Variants in GLIS3 observed in about 807,000 individuals in gnomAD.
GLIS3 encodes the protein GLIS family zinc finger 3, also known as zinc finger protein GLIS3.
GLIS3 carries 53 observed loss-of-function variants against 78.6 expected under a neutral mutation model. The observed-to-expected ratio is 0.67, with a 90% confidence interval of 0.54 to 0.85. GLIS3 has a LOEUF of 0.85. Among genes scored for constraint, GLIS3 ranks in the 40% least tolerant of loss-of-function variants. The pLI is 0.00. For synonymous variants in GLIS3, 684 were observed against 509.9 expected (o/e 1.34, Z -4.60); for missense variants, 1,703 against 1,231.1 (o/e 1.38, Z -5.74).
chr9:4,125,452 C>T (rs368942928), intron 3 of GLIS3, among the ~76,000 whole-genome samples: 1 of 152,122 alleles, frequency 6.6e-6, no homozygotes, highest in African/African-American at 2.4e-5. Context: ...ATTTACACAC[C>T]GTGTTTCAGT....
At chr9:3,871,385 T>C (rs1820959175) in intron 8 of GLIS3, among the ~76,000 whole-genome samples, 1 of 151,792 alleles carries the variant, frequency 6.6e-6, no homozygotes, top group Non-Finnish European at 1.5e-5. Context: ...GTAGAGACTC[T>C]GTGTGGGCTC....
chr9:3,890,545 C>T (rs1043855759), intron 7 of GLIS3, among the ~76,000 whole-genome samples: 8 of 152,158 alleles, frequency 5.3e-5, no homozygotes, highest in African/African-American at 1.9e-4. Flanking sequence ...TGCCAATTGC[C>T]GGGGAGTGTA....
rs201347665 is a variant in GLIS3, at chr9:3,879,585, G to T, written c.2139C>A (p.Phe713Leu). 60 of 1,613,918 alleles carry T rather than the reference G, an allele frequency of 3.7e-5. No homozygotes were observed. Among genetic ancestry groups the T allele is most frequent in the Non-Finnish European group, 4.6e-5 (54 of 1,179,990 alleles). Residue 713 changes from phenylalanine to leucine, a missense_variant, in exon 8 of 11, where the codon TTC becomes TTA. By Grantham distance (22) the Phe-to-Leu change is conservative. Transcript: ENST00000381971. ...CACTTCGGCTTGAATAATTGCTGGA[G>T]AAAATGGGAGCTGAAATCAAGGGAG... Reference protein sequence around the residue: ...PGPDLYSAPIFSSNYSSRSGT... With the variant: ...PGPDLYSAPILSSNYSSRSGT...
chr9:4,348,922 TTA>T (rs1407448824), upstream of GLIS3, among the ~76,000 whole-genome samples: 1 of 152,230 alleles, frequency 6.6e-6, no homozygotes, highest in Non-Finnish European at 1.5e-5. Flanking sequence ...TTCTTCTTCT[TTA>T]TAGTTTTTCA....
chr9:4,371,210 T>C, the GLIS3 span, among the ~76,000 whole-genome samples: 2 of 152,222 alleles, frequency 1.3e-5, no homozygotes, highest in East Asian at 3.9e-4. Flanking sequence ...GGAAACACAA[T>C]TTCCATCGGC....
chr9:4,336,238 C>A (rs1287202560), intron 2 of GLIS3, among the ~76,000 whole-genome samples: 1 of 152,206 alleles, frequency 6.6e-6, no homozygotes, highest in African/African-American at 2.4e-5. Context: ...AATCAGTCCT[C>A]TCCATGGCCA....
chr9:4,046,531 T>C lies in GLIS3; in HGVS notation c.1710+71237A>G, dbSNP rs146148283. ...GTGTTCATCAACAGAAAACTGAACATGGGTCAAAGGTGGGGCCAGCAATCA... is the reference window on the plus strand; with the variant it reads ...GTGTTCATCAACAGAAAACTGAACACGGGTCAAAGGTGGGGCCAGCAATCA... On this transcript the variant is annotated intron_variant, in intron 4 of 10. Coordinates refer to ENST00000381971, the MANE Select transcript of GLIS3 (RefSeq NM_001042413.2). Among the ~76,000 whole-genome samples, 213 of 152,252 alleles carry C rather than the reference T, an allele frequency of 1.4e-3. 2 individuals are homozygous for C. The highest frequency in any genetic ancestry group is 0.013 in the East Asian group (68 of 5,186).
intron 4 of GLIS3, among the ~76,000 whole-genome samples, chr9:3,974,838 A>G (rs1163486219): frequency 2.6e-5 from 4 of 152,158 alleles, no homozygotes; most frequent in Non-Finnish European, 5.9e-5. Context: ...GTCTTAGTGT[A>G]GGAGAAAATG....
At chr9:3,958,785 G>T (rs1419821848) in intron 4 of GLIS3, among the ~76,000 whole-genome samples, 1 of 152,218 alleles carries the variant, frequency 6.6e-6, no homozygotes, top group Non-Finnish European at 1.5e-5. Context: ...CTATACAGGT[G>T]GGTGTCAAAG....
At chr9:4,133,221 A>G (rs1051682654) in intron 2 of GLIS3, among the ~76,000 whole-genome samples, 3 of 152,234 alleles carry the variant, frequency 2.0e-5, no homozygotes, top group African/African-American at 7.2e-5. Flanking sequence ...CTTCATTCCT[A>G]AATATATAAC....
intron 7 of GLIS3, among the ~76,000 whole-genome samples, chr9:3,897,883 G>T (rs539726384): frequency 6.6e-6 from 1 of 152,296 alleles, no homozygotes; most frequent in East Asian, 1.9e-4. Flanking sequence ...GGGGGTGGGG[G>T]TAGTATCTGC....
chr9:4,065,734 C>G (rs934320419), intron 4 of GLIS3, among the ~76,000 whole-genome samples: 3 of 152,082 alleles, frequency 2.0e-5, no homozygotes, highest in African/African-American at 7.2e-5. Flanking sequence ...GTGAAGAGGT[C>G]TAAGATGCTA....
At chr9:4,423,700 A>T in the GLIS3 span, among the ~76,000 whole-genome samples, 6 of 152,250 alleles carry the variant, frequency 3.9e-5, no homozygotes, top group Non-Finnish European at 7.3e-5. Context: ...TTATTGCACA[A>T]ATGCCATAAG....
At chr9:3,952,858 G>A (rs765904977) in intron 4 of GLIS3, among the ~76,000 whole-genome samples, 2 of 152,108 alleles carry the variant, frequency 1.3e-5, no homozygotes, top group African/African-American at 4.8e-5. Context: ...ACTCCCAACC[G>A]ATGCTGATGC....
At chr9:3,847,657 G>A (rs1294999096) in intron 9 of GLIS3, among the ~76,000 whole-genome samples, 1 of 152,164 alleles carries the variant, frequency 6.6e-6, no homozygotes, top group South Asian at 2.1e-4. Flanking sequence ...CACCTTTTCT[G>A]GTTCACATGA....
At chr9:4,343,029 G>A (rs534772037) in intron 2 of GLIS3, among the ~76,000 whole-genome samples, 1 of 152,164 alleles carries the variant, frequency 6.6e-6, no homozygotes, top group Non-Finnish European at 1.5e-5. Context: ...ATAATCATTA[G>A]AGAAAAGCAA....
At chr9:4,071,062 C>A (rs1020337319) in intron 4 of GLIS3, 3 of 152,116 alleles carry the variant, frequency 2.0e-5, no homozygotes, top group African/African-American at 7.2e-5. Context: ...GCAAAAAGAT[C>A]TGTAAGATCT....
intron 9 of GLIS3, among the ~76,000 whole-genome samples, chr9:3,841,016 G>A (rs1345949284): frequency 6.6e-6 from 1 of 152,170 alleles, no homozygotes; most frequent in Non-Finnish European, 1.5e-5. Flanking sequence ...CAAACAAGGG[G>A]ATGGGAACGG....
the GLIS3 span, among the ~76,000 whole-genome samples, chr9:4,448,916 G>C: frequency 5.9e-5 from 9 of 152,226 alleles, no homozygotes; most frequent in Non-Finnish European, 7.3e-5. Context: ...GCAGAAGACA[G>C]TGATTTCTGC....
Sources: gnomAD v4.1 joint callset for allele counts (sites outside exome capture counted in the v4.1 genomes callset) on GRCh38, gnomAD v4.1.1 for gene constraint, MANE v1.5 for transcripts, NCBI Gene and HGNC (gene_info 2026-07-23, HGNC 2026-07-21) for gene names.